GRM8: variants seen among roughly 807,000 people sequenced by gnomAD.
GRM8 encodes the protein metabotropic glutamate receptor 8.
Under a neutral mutation model 87.2 loss-of-function variants are expected in GRM8, and 47 were observed. The observed-to-expected ratio is 0.54, with a 90% CI of 0.43 to 0.69. The LOEUF (loss-of-function observed/expected upper bound fraction) is 0.69, where lower values mean the gene tolerates loss of function less well. Ranked by LOEUF, GRM8 falls within the 30% of genes least tolerant of loss-of-function variation. The pLI is 0.00. For missense variants in GRM8, 1,019 were observed against 1,139.2 expected, an observed-to-expected ratio of 0.89 and a Z score of 1.52; for synonymous variants, 396 against 404.5, an observed-to-expected ratio of 0.98 and a Z score of 0.25.
chr7:126,925,305 G>A (rs1014329728), intron 3 of GRM8, among the ~76,000 whole-genome samples: 12 of 152,142 alleles, frequency 7.9e-5, no homozygotes, highest in African/African-American at 2.9e-4. Flanking sequence ...TGAAATTTGT[G>A]CTGAATGAAT....
At chr7:126,799,977 G>A (rs1189209679) in intron 6 of GRM8, among the ~76,000 whole-genome samples, 7 of 152,036 alleles carry the variant, frequency 4.6e-5, no homozygotes, top group Non-Finnish European at 7.4e-5. Flanking sequence ...AAAAGGAGCT[G>A]ATGAGTTCCA....
Position 126,806,384 on chromosome 7 carries a change from A to G in GRM8, c.1157-36319T>C, listed in dbSNP as rs111347502. Among the ~76,000 whole-genome samples the G allele has an allele frequency of 6.8e-3, 1,040 of 152,374 alleles. 11 individuals carry two copies. Among genetic ancestry groups the G allele is most frequent in the African/African-American group, 0.023 (960 of 41,592 alleles). ...AAGCTGGCACGGACACAGAGTGAGC[A>G]GCAGGAAGATTTATTGCAAAGAGCG... On this transcript the variant is annotated intron_variant, in intron 6 of 10. Coordinates refer to ENST00000339582, the MANE Select transcript of GRM8 (RefSeq NM_000845.3).
At chr7:126,721,532 T>C (rs1268518788) in intron 7 of GRM8, among the ~76,000 whole-genome samples, 1 of 152,180 alleles carries the variant, frequency 6.6e-6, no homozygotes, top group African/African-American at 2.4e-5. Flanking sequence ...GAAATCTACT[T>C]CAAAGATATT....
At chr7:126,961,083 A>G (rs1231824196) in intron 3 of GRM8, among the ~76,000 whole-genome samples, 1 of 152,182 alleles carries the variant, frequency 6.6e-6, no homozygotes, top group African/African-American at 2.4e-5. Flanking sequence ...TATCATAGCT[A>G]AAGGACAAAG....
chr7:126,772,842 C>T (rs768769524), intron 6 of GRM8, among the ~76,000 whole-genome samples: 8 of 151,948 alleles, frequency 5.3e-5, no homozygotes, highest in Admixed American at 3.9e-4. Context: ...CAGAAAGACA[C>T]GAAAGATCTG....
At chr7:126,761,999 A>G (rs1052100547) in intron 7 of GRM8, among the ~76,000 whole-genome samples, 4 of 152,134 alleles carry the variant, frequency 2.6e-5, no homozygotes, top group Non-Finnish European at 5.9e-5. Context: ...CACTTATCAA[A>G]TTGAATTATT....
chr7:127,080,009 C>G (rs1822683599), intron 3 of GRM8, among the ~76,000 whole-genome samples: 1 of 152,084 alleles, frequency 6.6e-6, no homozygotes, highest in Admixed American at 6.6e-5. Flanking sequence ...ATCTCTGGAA[C>G]CTGTGAATAT....
At chr7:126,553,290 A>G (rs1242153270) in intron 8 of GRM8, among the ~76,000 whole-genome samples, 3 of 152,198 alleles carry the variant, frequency 2.0e-5, no homozygotes, top group Non-Finnish European at 4.4e-5. Context: ...TATAAAATTT[A>G]TTCCAGAAAA....
chr7:126,459,751 C>A (rs1803682286), intron 9 of GRM8, among the ~76,000 whole-genome samples: 1 of 151,366 alleles, frequency 6.6e-6, no homozygotes, highest in Non-Finnish European at 1.5e-5. Context: ...CTAAGATTGG[C>A]CCCTTTACTA....
At chr7:127,058,721 A>C (rs185132778) in intron 3 of GRM8, among the ~76,000 whole-genome samples, 25 of 152,274 alleles carry the variant, frequency 1.6e-4, no homozygotes, top group Admixed American at 8.5e-4. Flanking sequence ...GGTGTGTTGA[A>C]AGCTGTGAGA....
intron 6 of GRM8, among the ~76,000 whole-genome samples, chr7:126,831,372 G>C (rs557579373): frequency 6.6e-6 from 1 of 152,170 alleles, no homozygotes; most frequent in Non-Finnish European, 1.5e-5. Context: ...CGAGCTTCCC[G>C]GCTGCTTTGT....
At chr7:126,893,467 A>T (rs1801257230) in intron 6 of GRM8, among the ~76,000 whole-genome samples, 1 of 152,014 alleles carries the variant, frequency 6.6e-6, no homozygotes, top group Non-Finnish European at 1.5e-5. Context: ...AAAAAATATC[A>T]TTCCAACAAT....
chr7:126,654,653 T>C (rs1039724521), intron 7 of GRM8, among the ~76,000 whole-genome samples: 2 of 152,126 alleles, frequency 1.3e-5, no homozygotes, highest in African/African-American at 4.8e-5. Flanking sequence ...AACACTGAAG[T>C]GGGAGATTTT....
At chr7:127,214,136 A>T (rs1274891744) in intron 2 of GRM8, among the ~76,000 whole-genome samples, 1 of 152,248 alleles carries the variant, frequency 6.6e-6, no homozygotes. Flanking sequence ...TTAATAGGCA[A>T]AATTAAAATG....
chr7:126,443,619 C>T (rs1801700475), intron 10 of GRM8, among the ~76,000 whole-genome samples: 1 of 151,896 alleles, frequency 6.6e-6, no homozygotes, highest in African/African-American at 2.4e-5. Flanking sequence ...CTCCAAAGTA[C>T]AATTAAACTT....
chr7:126,529,700 G>T (rs1255655952), intron 9 of GRM8, among the ~76,000 whole-genome samples: 1 of 152,040 alleles, frequency 6.6e-6, no homozygotes, highest in Admixed American at 6.6e-5. Flanking sequence ...TGATTATCTC[G>T]ATTTTATGAG....
At chr7:126,647,379 ATATC>A (rs1774872761) in intron 7 of GRM8, among the ~76,000 whole-genome samples, 1 of 151,042 alleles carries the variant, frequency 6.6e-6, no homozygotes, top group South Asian at 2.1e-4. Context: ...ATATATAAAT[ATATC>A]TATTTATATA....
At chr7:126,544,741 C>A (rs2150906682) in intron 8 of GRM8, among the ~76,000 whole-genome samples, 1 of 152,156 alleles carries the variant, frequency 6.6e-6, no homozygotes, top group Non-Finnish European at 1.5e-5. Flanking sequence ...AACTCCTGAC[C>A]TCATGATCCG....
At chr7:127,083,158 T>C (rs1422920457) in intron 3 of GRM8, among the ~76,000 whole-genome samples, 3 of 152,224 alleles carry the variant, frequency 2.0e-5, no homozygotes, top group Non-Finnish European at 2.9e-5. Context: ...CAGAACAAGG[T>C]ACTCAATAAT....
Sources: gnomAD v4.1 joint callset for allele counts (sites outside exome capture counted in the v4.1 genomes callset) on GRCh38, gnomAD v4.1.1 for gene constraint, MANE v1.5 for transcripts, NCBI Gene and HGNC (gene_info 2026-07-23, HGNC 2026-07-21) for gene names.